The following RNLS variants were observed in gnomAD, a reference collection of about 807,000 sequenced individuals.
The protein encoded by RNLS is renalase, FAD dependent amine oxidase.
A neutral mutation model predicts 39.8 loss-of-function variants in RNLS; 39 were observed. The observed-to-expected ratio is 0.98, with a 90% confidence interval of 0.76 to 1.28. The LOEUF (loss-of-function observed/expected upper bound fraction) is 1.28, where lower values mean the gene tolerates loss of function less well. RNLS is among the 50% of genes most tolerant of loss of function. The pLI is 0.00. For missense variants in RNLS, 410 were observed against 413.3 expected, an observed-to-expected ratio of 0.99 and a Z score of 0.07; for synonymous variants, 147 against 150.7, an observed-to-expected ratio of 0.98 and a Z score of 0.18.
chr10:88,259,243 A>G, the RNLS span: 6 of 152,334 alleles, frequency 3.9e-5, no homozygotes, highest in South Asian at 2.1e-4. Flanking sequence ...GAGTTTCCAA[A>G]GATTCTCACT....
intron 4 of RNLS, among the ~76,000 whole-genome samples, chr10:88,438,139 A>AG (rs1213197039): frequency 1.3e-5 from 2 of 151,618 alleles, no homozygotes; most frequent in African/African-American, 4.8e-5. Context: ...AAAAAAAAAA[A>AG]AAGAAGCTCA....
downstream of RNLS, among the ~76,000 whole-genome samples, chr10:88,272,253 A>G (rs1842670762): frequency 6.6e-6 from 1 of 152,218 alleles, no homozygotes; most frequent in Non-Finnish European, 1.5e-5. Context: ...AGGGCACAGA[A>G]ACAGAAGCTT....
At chr10:88,255,489 G>A in the RNLS span, among the ~76,000 whole-genome samples, 1 of 152,314 alleles carries the variant, frequency 6.6e-6, no homozygotes, top group South Asian at 2.1e-4. Flanking sequence ...AAGGGAGGAG[G>A]AGTAGGGGTA....
intron 4 of RNLS, among the ~76,000 whole-genome samples, chr10:88,572,367 T>C (rs1849886648): frequency 7.1e-6 from 1 of 140,798 alleles, no homozygotes; most frequent in Non-Finnish European, 1.5e-5. Context: ...AAATTTTCTT[T>C]GACTTTTAGT....
intron 5 of RNLS, among the ~76,000 whole-genome samples, chr10:88,321,107 AC>A (rs577165017): frequency 5.6e-4 from 85 of 152,182 alleles, no homozygotes; most frequent in African/African-American, 1.9e-3. Context: ...ATCTTCTCAG[AC>A]CACAGTGGAA....
In RNLS at chr10:88,284,582, T is replaced by G; in HGVS notation, c.*772A>C. ...ACAGTCTAAATGCCACAGCACATAC[T>G]GGAGAACCCATAAAGTAACAGCAAC... On this transcript the variant is annotated 3_prime_UTR_variant, in exon 7 of 7. Coordinates refer to ENST00000331772, the MANE Select transcript of RNLS (RefSeq NM_001031709.3). 1.0e-6 allele frequency: 1 copy of G among 985,248 alleles called. No individual in the cohort carries two copies. Among genetic ancestry groups the G allele is most frequent in the Non-Finnish European group, 1.2e-6 (1 of 829,814 alleles). The allele number at this position is 985,248 out of a possible 1,614,324, so 61.0% of individuals were successfully genotyped here. A position where few individuals can be genotyped will look rare whatever the true frequency, so the allele number is the denominator to read the frequency against.
chr10:88,318,998 T>C (rs529693018), intron 5 of RNLS, among the ~76,000 whole-genome samples: 2 of 152,300 alleles, frequency 1.3e-5, no homozygotes, highest in East Asian at 3.9e-4. Flanking sequence ...GAGCTTGAAC[T>C]CCACCACCAA....
At chr10:88,346,387 T>C (rs1848309385) in intron 5 of RNLS, among the ~76,000 whole-genome samples, 1 of 152,160 alleles carries the variant, frequency 6.6e-6, no homozygotes, top group South Asian at 2.1e-4. Flanking sequence ...CAATACTATA[T>C]AGTCAAGTAT....
At chr10:88,410,931 A>G (rs1249421239) in intron 4 of RNLS, among the ~76,000 whole-genome samples, 1 of 152,192 alleles carries the variant, frequency 6.6e-6, no homozygotes, top group Non-Finnish European at 1.5e-5. Context: ...GGGAATCTTT[A>G]TAAGAGAGTT....
At chr10:88,267,383 C>T in the RNLS span, among the ~76,000 whole-genome samples, 1 of 152,098 alleles carries the variant, frequency 6.6e-6, no homozygotes, top group African/African-American at 2.4e-5. Flanking sequence ...TGAGACCAGC[C>T]TGGGCAACAT....
At chr10:88,192,257 T>C in the RNLS span, among the ~76,000 whole-genome samples, 1 of 152,130 alleles carries the variant, frequency 6.6e-6, no homozygotes, top group Non-Finnish European at 1.5e-5. Flanking sequence ...ATCTGTAAAA[T>C]AAGAGAATCC....
At chr10:88,482,321 C>G (rs887955649) in intron 4 of RNLS, among the ~76,000 whole-genome samples, 1 of 152,064 alleles carries the variant, frequency 6.6e-6, no homozygotes, top group Non-Finnish European at 1.5e-5. Flanking sequence ...CTGCAAGGCT[C>G]TGCTCATTTT....
chr10:88,196,452 C>T, the RNLS span, among the ~76,000 whole-genome samples: 2 of 152,100 alleles, frequency 1.3e-5, no homozygotes, highest in African/African-American at 2.4e-5. Flanking sequence ...TTTTTGGGTC[C>T]ACACCCTTTG....
chr10:88,302,183 G>A (rs1345432853), intron 6 of RNLS, among the ~76,000 whole-genome samples: 2 of 152,156 alleles, frequency 1.3e-5, no homozygotes, highest in Non-Finnish European at 2.9e-5. Context: ...AAATGACTCT[G>A]CATTATGCCA....
intron 5 of RNLS, among the ~76,000 whole-genome samples, chr10:88,347,461 G>A (rs1218133479): frequency 6.6e-6 from 1 of 152,058 alleles, no homozygotes; most frequent in Non-Finnish European, 1.5e-5. Flanking sequence ...TTCAAAATAA[G>A]GTTATCAAAT....
At chr10:88,502,334 G>T (rs1406862977) in intron 4 of RNLS, among the ~76,000 whole-genome samples, 1 of 147,960 alleles carries the variant, frequency 6.8e-6, no homozygotes, top group Non-Finnish European at 1.5e-5. Flanking sequence ...AGGTGGGCGG[G>T]GGGGCGGGGT....
At chr10:88,274,980 G>A (rs148477675) in exon 7 of RNLS, 218 of 1,612,668 alleles carry the variant, frequency 1.4e-4, no homozygotes, top group Admixed American at 2.7e-4. Context: ...AAATCCAATC[G>A]CCATCATCCA....
At chr10:88,359,357 C>T (rs916671986) in intron 5 of RNLS, among the ~76,000 whole-genome samples, 1 of 151,456 alleles carries the variant, frequency 6.6e-6, no homozygotes, top group African/African-American at 2.4e-5. Context: ...AGTTAAATAT[C>T]AATATCAATA....
intron 4 of RNLS, among the ~76,000 whole-genome samples, chr10:88,471,018 G>A (rs1843492785): frequency 6.6e-6 from 1 of 152,028 alleles, no homozygotes; most frequent in Admixed American, 6.6e-5. Context: ...TAAATTGTGT[G>A]GATGGAGTCA....
Sources: allele counts gnomAD v4.1 joint callset (sites outside exome capture counted in the v4.1 genomes callset), GRCh38; gene constraint gnomAD v4.1.1; transcripts MANE v1.5; gene names NCBI Gene and HGNC (gene_info 2026-07-23, HGNC 2026-07-21).